The following SMIM31 variants were observed in gnomAD, a reference collection of about 807,000 sequenced individuals.
SMIM31 encodes small integral membrane protein 31.
chr4:164,797,506 C>A (rs545302274), intron 2 of SMIM31, among the ~76,000 whole-genome samples: 82 of 145,922 alleles, frequency 5.6e-4, no homozygotes, highest in African/African-American at 2.1e-3. Context: ...CTCTGTCAGC[C>A]AGGCTGGAAT....
intron 2 of SMIM31, among the ~76,000 whole-genome samples, chr4:164,799,035 G>A (rs1052370486): frequency 2.6e-5 from 4 of 152,102 alleles, no homozygotes; most frequent in Admixed American, 6.5e-5. Flanking sequence ...AGCAGATGCC[G>A]GTGCCACGCT....
In SMIM31 at chr4:164,801,249, A is replaced by G. The variant is rs1486339532; in HGVS notation, c.*55A>G. 12 of 398,630 alleles carry G rather than the reference A, an allele frequency of 3.0e-5. No individual in the cohort carries two copies. Among genetic ancestry groups the G allele is most frequent in the Non-Finnish European group, 4.9e-5 (11 of 225,898 alleles). 24.7% of individuals were successfully genotyped at this position (398,630 alleles called of 1,614,324 possible). ...AAGACAGAGGAAGCAATCCATGGGAACTACTTATCCACAGTTACACAAGAG... is the reference window on the plus strand; with the variant it reads ...AAGACAGAGGAAGCAATCCATGGGAGCTACTTATCCACAGTTACACAAGAG... On this transcript the variant is annotated 3_prime_UTR_variant, in exon 3 of 3. Transcript: ENST00000507311.
intron 2 of SMIM31, among the ~76,000 whole-genome samples, chr4:164,788,513 G>T (rs1733058845): frequency 2.0e-5 from 1 of 49,572 alleles, no homozygotes; most frequent in Non-Finnish European, 4.5e-5. Context: ...TTTTGAGACG[G>T]AGTTTCGCTC....
chr4:164,772,463 C>G (rs1732817888), intron 2 of SMIM31, among the ~76,000 whole-genome samples: 1 of 152,154 alleles, frequency 6.6e-6, no homozygotes. Context: ...AAGGGCAGAA[C>G]GCGAAGCACT....
intron 2 of SMIM31, 115 bp from the exon 3 acceptor site, chr4:164,800,976 C>A (rs1733275458): frequency 5.1e-6 from 2 of 392,628 alleles, no homozygotes; most frequent in East Asian, 7.2e-5. Flanking sequence ...CCTTTCCTAG[C>A]CAACAGGAAA....
At chr4:164,777,595 T>A (rs1287883186) in intron 2 of SMIM31, among the ~76,000 whole-genome samples, 2 of 152,176 alleles carry the variant, frequency 1.3e-5, no homozygotes, top group Non-Finnish European at 2.9e-5. Context: ...TAGGAAGTGA[T>A]AAAATGTAAG....
chr4:164,766,561 G>A (rs1256542350), intron 1 of SMIM31, among the ~76,000 whole-genome samples: 1 of 152,128 alleles, frequency 6.6e-6, no homozygotes, highest in Non-Finnish European at 1.5e-5. Flanking sequence ...CACTTTGGGA[G>A]GCTGAGGCAG....
At chr4:164,794,755 A>C (rs1388148709) in intron 2 of SMIM31, among the ~76,000 whole-genome samples, 2 of 151,800 alleles carry the variant, frequency 1.3e-5, no homozygotes, top group Non-Finnish European at 2.9e-5. Context: ...CAGTGAGCTG[A>C]GATCAGGCCA....
intron 1 of SMIM31, among the ~76,000 whole-genome samples, chr4:164,761,288 C>T (rs1380864100): frequency 3.9e-5 from 6 of 152,076 alleles, no homozygotes; most frequent in African/African-American, 1.4e-4. Context: ...TTCTAGGAAA[C>T]AAATAGAACA....
intron 1 of SMIM31, among the ~76,000 whole-genome samples, chr4:164,756,676 C>T (rs577305389): frequency 8.5e-5 from 13 of 152,100 alleles, no homozygotes; most frequent in Admixed American, 7.2e-4. Context: ...AGTTCTACCC[C>T]TGCCTCCAGA....
chr4:164,787,404 A>G (rs940675580), intron 2 of SMIM31: 1 of 152,102 alleles, frequency 6.6e-6, no homozygotes, highest in African/African-American at 2.4e-5. Context: ...AAAAAGAAAA[A>G]AGAAAAAAAG....
At chr4:164,784,785 G>C (rs537258962) in intron 2 of SMIM31, among the ~76,000 whole-genome samples, 50 of 152,124 alleles carry the variant, frequency 3.3e-4, no homozygotes, top group Non-Finnish European at 2.1e-4. Context: ...ATATAAATAG[G>C]ATGCTTTTGG....
intron 2 of SMIM31, among the ~76,000 whole-genome samples, chr4:164,785,386 A>T (rs1416554599): frequency 1.3e-5 from 2 of 152,216 alleles, no homozygotes; most frequent in Non-Finnish European, 2.9e-5. Context: ...TTTATTAACT[A>T]ACTCCAAAGT....
chr4:164,801,462 C>T lies in SMIM31; in HGVS notation c.*268C>T. 3.7e-6 allele frequency: 1 copy of T among 269,662 alleles called. No homozygotes were observed. Among genetic ancestry groups the T allele is most frequent in the Non-Finnish European group, 6.9e-6 (1 of 145,918 alleles). 16.7% of individuals were successfully genotyped at this position (269,662 alleles called of 1,614,324 possible). A position where few individuals can be genotyped will look rare whatever the true frequency, so the allele number is the denominator to read the frequency against. On this transcript the variant is annotated 3_prime_UTR_variant, in exon 3 of 3. Transcript: ENST00000507311. ...AAAAAAAAAAAGACCAAAGTGGTTA[C>T]AATAATAAAATAGAACACAGAGAAA...
chr4:164,797,510 C>T (rs1183044546), intron 2 of SMIM31, among the ~76,000 whole-genome samples: 4 of 141,976 alleles, frequency 2.8e-5, no homozygotes, highest in Non-Finnish European at 4.5e-5. Context: ...GTCAGCCAGG[C>T]TGGAATGCAG....
At chr4:164,778,579 C>T (rs1168838877) in intron 2 of SMIM31, among the ~76,000 whole-genome samples, 2 of 152,188 alleles carry the variant, frequency 1.3e-5, no homozygotes, top group Non-Finnish European at 2.9e-5. Flanking sequence ...CACTGTCTGC[C>T]AAGCACTTAA....
intron 2 of SMIM31, among the ~76,000 whole-genome samples, chr4:164,778,656 T>C (rs1278973857): frequency 1.3e-5 from 2 of 152,122 alleles, no homozygotes; most frequent in Non-Finnish European, 2.9e-5. Context: ...TATGTCTACT[T>C]TGGAGATAAG....
chr4:164,783,475 T>G (rs1167932917), intron 2 of SMIM31, among the ~76,000 whole-genome samples: 1 of 148,172 alleles, frequency 6.7e-6, no homozygotes, highest in African/African-American at 2.5e-5. Flanking sequence ...AGTGAGCCCC[T>G]GTTGAGCCGC....
At chr4:164,782,441 C>T (rs1373142356) in intron 2 of SMIM31, among the ~76,000 whole-genome samples, 3 of 133,952 alleles carry the variant, frequency 2.2e-5, no homozygotes, top group Admixed American at 8.0e-5. Context: ...TGCAGTGGTA[C>T]GATCTCGGCT....
Sources: gnomAD v4.1 joint callset for allele counts (sites outside exome capture counted in the v4.1 genomes callset) on GRCh38, gnomAD v4.1.1 for gene constraint, MANE v1.5 for transcripts, NCBI Gene and HGNC (gene_info 2026-07-23, HGNC 2026-07-21) for gene names.